The following POLR2F variants were observed in gnomAD, a reference collection of about 807,000 sequenced individuals.
The protein encoded by POLR2F is RNA polymerase II, I and III subunit F, also known as DNA-directed RNA polymerases I, II, and III subunit RPABC2.
A neutral mutation model predicts 22.7 loss-of-function variants in POLR2F; 12 were observed. That is an observed-to-expected ratio of 0.53 (90% CI 0.34 to 0.86). POLR2F has a LOEUF of 0.86. Among genes scored for constraint, POLR2F ranks in the 40% least tolerant of loss-of-function variants. POLR2F has a pLI of 0.02. For synonymous variants in POLR2F, 57 were observed against 66.0 expected (o/e 0.86, Z 0.66); for missense variants, 126 against 171.5 (o/e 0.73, Z 1.48).
intron 1 of POLR2F, among the ~76,000 whole-genome samples, chr22:38,006,991 C>T (rs2084827383): frequency 6.6e-6 from 1 of 152,198 alleles, no homozygotes; most frequent in Non-Finnish European, 1.5e-5. Flanking sequence ...CAGGCGCACA[C>T]ATCTGAAAGG....
intron 1 of POLR2F, among the ~76,000 whole-genome samples, chr22:38,007,929 T>G (rs1271760357): frequency 1.3e-5 from 2 of 152,166 alleles, no homozygotes; most frequent in African/African-American, 2.4e-5. Flanking sequence ...CAGGCCCCCT[T>G]TAGCTCCTCT....
chr22:37,998,198 G>T (rs2084734656), intron 1 of POLR2F, among the ~76,000 whole-genome samples: 2 of 152,228 alleles, frequency 1.3e-5, no homozygotes, highest in Admixed American at 6.5e-5. Context: ...ATGAGGGGAT[G>T]TTGGGCTTTT....
rs962953697 is a variant in POLR2F, at chr22:37,997,578, G to A, written c.120+11266G>A. Among the ~76,000 whole-genome samples, 12 of 152,106 alleles carry A rather than the reference G, an allele frequency of 7.9e-5. No individual in the cohort carries two copies. The highest frequency in any genetic ancestry group is 3.9e-4 in the Admixed American group (6 of 15,270). ...GGACCCTGGGAAAATGACAGAGATG[G>A]GGAGAGCTGACAAGTTAGAGAAGCC... On this transcript the variant is annotated intron_variant, in intron 1 of 2. Transcript: ENST00000333418. This position sits in a 1 kb window ranked among gnomAD's most constrained non-coding sequence, Gnocchi z 4.4.
chr22:37,984,307 G>T, upstream of POLR2F: 1 of 153,586 alleles, frequency 6.5e-6, no homozygotes, highest in Non-Finnish European at 1.5e-5. This position sits in a 1 kb window ranked among gnomAD's most constrained non-coding sequence, Gnocchi z 4.4. Context: ...CCAGGCCTGG[G>T]CGGGCCAGGG....
chr22:38,000,301 A>G (rs142716926), intron 1 of POLR2F, among the ~76,000 whole-genome samples: 1 of 152,334 alleles, frequency 6.6e-6, no homozygotes, highest in African/African-American at 2.4e-5. Context: ...GCTGAGGTCT[A>G]GAAAAGAGAG....
chr22:38,039,753 G>A (rs979176423), intron 5 of POLR2F, among the ~76,000 whole-genome samples: 1 of 152,218 alleles, frequency 6.6e-6, no homozygotes, highest in African/African-American at 2.4e-5. Flanking sequence ...CCGAGCACCC[G>A]GAACTGGACG....
At position 37,968,423 on chromosome 22, in the gene POLR2F, A is replaced by G; in HGVS notation, c.*708A>G. 1.0e-6 allele frequency: 1 copy of G among 985,796 alleles called. No homozygotes were observed. Among genetic ancestry groups the G allele is most frequent in the Middle Eastern group, 5.2e-4 (1 of 1,920 alleles). 61.1% of individuals were successfully genotyped at this position (985,796 alleles called of 1,614,324 possible). ...TGTGCCACACCCATGCCTTCTTCCT[A>G]GCCTCTATAAGATATCCTTTCCCTC... is the stretch of plus-strand genomic sequence containing the variant. On this transcript the variant is annotated 3_prime_UTR_variant, in exon 5 of 5. Coordinates refer to ENST00000442738, the MANE Select transcript of POLR2F (RefSeq NM_021974.5).
At position 37,968,547 on chromosome 22, in the gene POLR2F, C is replaced by T; in HGVS notation, c.*832C>T. The T allele has an allele frequency of 2.0e-6, 2 of 985,650 alleles. No homozygotes were observed. The highest frequency in any genetic ancestry group is 2.4e-6 in the Non-Finnish European group (2 of 830,056). 61.1% of individuals were successfully genotyped at this position (985,650 alleles called of 1,614,324 possible). ...GTTACATTAAGTCAGAGCTGGAGTT[C>T]CCCCTTCCTCTGCCTGAGGTTCTAA... On this transcript the variant is annotated 3_prime_UTR_variant, in exon 5 of 5. Transcript: ENST00000442738.
At chr22:38,002,610 A>G (rs1406588563) in intron 1 of POLR2F, among the ~76,000 whole-genome samples, 1 of 151,940 alleles carries the variant, frequency 6.6e-6, no homozygotes, top group African/African-American at 2.4e-5. Flanking sequence ...TTGCTCAGCA[A>G]AGTCAGCTGT....
At chr22:37,987,868 G>A (rs1175596242) in intron 1 of POLR2F, 1 of 157,354 alleles carries the variant, frequency 6.4e-6, no homozygotes, top group Non-Finnish European at 1.4e-5. Flanking sequence ...GGCCTGGCTT[G>A]CGGATACGGG....
At chr22:37,990,901 A>G in intron 1 of POLR2F, among the ~76,000 whole-genome samples, 1 of 152,348 alleles carries the variant, frequency 6.6e-6, no homozygotes, top group Non-Finnish European at 1.5e-5. Context: ...ATGCCTCGTG[A>G]TGCCTCAGAC....
chr22:38,041,502 C>A, downstream of POLR2F: 12 of 242,100 alleles, frequency 5.0e-5, no homozygotes, highest in South Asian at 7.1e-5. Flanking sequence ...TAGCCAAGGT[C>A]AAGTAATAAC....
At chr22:37,958,298 C>T (rs1290011973) in intron 2 of POLR2F, 1 of 151,552 alleles carries the variant, frequency 6.6e-6, no homozygotes, top group Admixed American at 6.6e-5. Context: ...ATGCCATTCT[C>T]CTGCCTCAGC....
intron 1 of POLR2F, among the ~76,000 whole-genome samples, chr22:38,011,205 G>A (rs1392888509): frequency 6.6e-6 from 1 of 152,038 alleles, no homozygotes; most frequent in African/African-American, 2.4e-5. Flanking sequence ...AGGCTCAAGT[G>A]ATCCTCCCAC....
upstream of POLR2F, chr22:37,986,034 C>G: frequency 7.5e-7 from 1 of 1,340,682 alleles, no homozygotes; most frequent in Non-Finnish European, 9.6e-7. This position sits in a 1 kb window ranked among gnomAD's most constrained non-coding sequence, Gnocchi z 4.7. Flanking sequence ...CGCCTCCCTT[C>G]TCTTCCCTGT....
intron 1 of POLR2F, among the ~76,000 whole-genome samples, chr22:38,020,194 CACACACATATAT>C (rs2084948372): frequency 7.5e-6 from 1 of 132,458 alleles, no homozygotes; most frequent in African/African-American, 3.1e-5. Context: ...GCTAAATACA[CACACACATATAT>C]ACACACACAC....
At chr22:38,026,224 G>A (rs761497689) in intron 2 of POLR2F, 2 of 532,850 alleles carry the variant, frequency 3.8e-6, no homozygotes, top group Non-Finnish European at 7.7e-6. Flanking sequence ...CCCTGAATAG[G>A]CAGCTTCTGA....
chr22:37,988,020 T>C (rs1932631307), intron 1 of POLR2F: 1 of 152,136 alleles, frequency 6.6e-6, no homozygotes, highest in South Asian at 2.1e-4. Flanking sequence ...CTTGTGGAGT[T>C]AAGAAAAACA....
chr22:38,015,238 T>C (rs1255648023), intron 1 of POLR2F, among the ~76,000 whole-genome samples: 4 of 152,212 alleles, frequency 2.6e-5, no homozygotes, highest in Non-Finnish European at 5.9e-5. Context: ...CAAACTTCTA[T>C]TGGAGAAAGA....
Sources: allele counts gnomAD v4.1 joint callset (sites outside exome capture counted in the v4.1 genomes callset), GRCh38; gene constraint gnomAD v4.1.1; non-coding constraint Gnocchi (gnomAD v3.1); transcripts MANE v1.5; gene names NCBI Gene and HGNC (gene_info 2026-07-23, HGNC 2026-07-21).